The following FOXP2 variants were observed in gnomAD, a reference collection of about 807,000 sequenced individuals.
The protein encoded by FOXP2 is forkhead box P2.
Under a neutral mutation model 115.8 loss-of-function variants are expected in FOXP2, and 12 were observed. That is an observed-to-expected ratio of 0.10 (90% CI 0.07 to 0.17). The LOEUF is 0.17. FOXP2 is among the 10% of genes least tolerant of loss of function. The probability of loss-of-function intolerance (pLI) is 1.00; values close to 1 mark genes in which losing one functional copy is unlikely to be tolerated. For missense variants in FOXP2, 629 were observed against 843.5 expected, an observed-to-expected ratio of 0.75 and a Z score of 3.15; for synonymous variants, 328 against 297.7, an observed-to-expected ratio of 1.10 and a Z score of -1.05.
intron 2 of FOXP2, among the ~76,000 whole-genome samples, chr7:114,389,868 A>G (rs1792544455): frequency 6.6e-6 from 1 of 151,998 alleles, no homozygotes; most frequent in South Asian, 2.1e-4. Flanking sequence ...TACTAAAAAT[A>G]CAAAAATTAG....
At chr7:114,404,066 C>T (rs899954568) in intron 2 of FOXP2, among the ~76,000 whole-genome samples, 4 of 152,044 alleles carry the variant, frequency 2.6e-5, no homozygotes, top group African/African-American at 7.2e-5. Flanking sequence ...ATATGGTTAG[C>T]TTTATGAATG....
At chr7:114,246,809 CT>C (rs1280699857) in intron 1 of FOXP2, among the ~76,000 whole-genome samples, 2 of 152,016 alleles carry the variant, frequency 1.3e-5, no homozygotes, top group East Asian at 3.9e-4. Context: ...TAATTAGCCC[CT>C]TTTGTAAAGG....
chr7:114,529,791 A>G (rs1257691739), intron 2 of FOXP2, among the ~76,000 whole-genome samples: 1 of 151,818 alleles, frequency 6.6e-6, no homozygotes, highest in Non-Finnish European at 1.5e-5. Flanking sequence ...CTTCTATTAA[A>G]TAACATTATG....
At chr7:114,138,946 T>A (rs964677528) in intron 1 of FOXP2, among the ~76,000 whole-genome samples, 5 of 152,208 alleles carry the variant, frequency 3.3e-5, no homozygotes, top group Admixed American at 1.3e-4. Flanking sequence ...TTAATTTTTT[T>A]AAAGTTAATT....
At chr7:114,326,912 G>A (rs766542272) in intron 2 of FOXP2, among the ~76,000 whole-genome samples, 7 of 152,112 alleles carry the variant, frequency 4.6e-5, no homozygotes, top group Non-Finnish European at 7.4e-5. Flanking sequence ...TTATTAACCT[G>A]TATTGGACAT....
chr7:114,229,469 A>T (rs865977462), intron 1 of FOXP2, among the ~76,000 whole-genome samples: 1 of 151,822 alleles, frequency 6.6e-6, no homozygotes, highest in Middle Eastern at 3.4e-3. Flanking sequence ...GCACACATGG[A>T]ACATTCTTCA....
Position 114,415,368 on chromosome 7 carries a change from A to G in FOXP2, c.-11+8A>G, listed in dbSNP as rs950751780. 1.2e-4 allele frequency: 55 copies of G among 444,266 alleles called. No individual in the cohort carries two copies. Among genetic ancestry groups the G allele is most frequent in the Non-Finnish European group, 1.8e-4 (40 of 223,458 alleles). 27.5% of individuals were successfully genotyped at this position (444,266 alleles called of 1,614,324 possible). A position where few individuals can be genotyped will look rare whatever the true frequency, so the allele number is the denominator to read the frequency against. ...CTAACATTTCCAGAGAAGGTACGTT[A>G]CTTTTTGCTAAGAGAATATCTGTAA... is the stretch of plus-strand genomic sequence containing the variant. On this transcript the variant is annotated splice_region_variant and intron_variant, in intron 1 of 16. Coordinates refer to ENST00000350908, the MANE Select transcript of FOXP2 (RefSeq NM_014491.4).
At chr7:114,140,451 T>A (rs1792175132) in intron 1 of FOXP2, among the ~76,000 whole-genome samples, 1 of 152,022 alleles carries the variant, frequency 6.6e-6, no homozygotes, top group African/African-American at 2.4e-5. Flanking sequence ...ACATGGTGAG[T>A]AGTGATGGCC....
intron 3 of FOXP2, among the ~76,000 whole-genome samples, chr7:114,547,390 T>C (rs1361112630): frequency 6.6e-6 from 1 of 152,208 alleles, no homozygotes; most frequent in Non-Finnish European, 1.5e-5. Flanking sequence ...ATGTTTCTAA[T>C]GCCACTACGT....
intron 1 of FOXP2, among the ~76,000 whole-genome samples, chr7:114,223,130 G>C (rs1794663749): frequency 6.6e-6 from 1 of 152,064 alleles, no homozygotes; most frequent in Non-Finnish European, 1.5e-5. Context: ...CCTTAGGAAT[G>C]AAACAGCAGT....
At chr7:114,335,540 T>C (rs781493942) in intron 2 of FOXP2, among the ~76,000 whole-genome samples, 1 of 151,914 alleles carries the variant, frequency 6.6e-6, no homozygotes, top group Non-Finnish European at 1.5e-5. Flanking sequence ...GAAATAACGC[T>C]GTATCATACA....
rs1039173802 is a variant in FOXP2 at position 114,375,385 on chromosome 7, A to G, written c.-10-51117A>G. Among the ~76,000 whole-genome samples the G allele has an allele frequency of 3.3e-5, 5 of 152,304 alleles. No individual in the cohort carries two copies. The East Asian group carries it at 7.7e-4, about 24-fold the overall frequency. On this transcript the variant is annotated intron_variant, in intron 2 of 17. Transcript: ENST00000634411. Reference sequence around the variant, plus strand: ...TTGTTTAGCCACTTACTGTGGAAACATGGTTAAGTTAATGCAGTAGCTAGA... The same window carrying G: ...TTGTTTAGCCACTTACTGTGGAAACGTGGTTAAGTTAATGCAGTAGCTAGA...
At position 114,456,888 on chromosome 7, in the gene FOXP2, T is replaced by C. The variant is rs970088538; in HGVS notation, c.168+30209T>C. ...CATTTTGGAACAGCATAGATGATCC[T>C]GGAGGATACTATGCTATAGGGGAAA... On this transcript the variant is annotated intron_variant, in intron 2 of 16. Coordinates refer to ENST00000350908, the MANE Select transcript of FOXP2 (RefSeq NM_014491.4). Among the ~76,000 whole-genome samples the C allele has an allele frequency of 4.0e-5, 6 of 151,798 alleles. No individual in the cohort carries two copies. The South Asian group carries it at 6.2e-4, about 16-fold the overall frequency.
At chr7:114,478,412 G>C (rs1413873399) in intron 2 of FOXP2, among the ~76,000 whole-genome samples, 1 of 151,786 alleles carries the variant, frequency 6.6e-6, no homozygotes, top group Admixed American at 6.6e-5. Flanking sequence ...TATGAATAAG[G>C]AATGAGTAAT....
rs3086371 is a variant in FOXP2 at position 114,230,975 on chromosome 7, TACACACACACAC to T, written c.-101-57024_-101-57013del. On this transcript the variant is annotated intron_variant, in intron 1 of 17. Transcript: ENST00000634411. ...CTCATATATAGAAAACCCTAAAGAT[TACACACACACAC>T]ACACACACACACACACACAAATCCC... Among the ~76,000 whole-genome samples, 32 of 147,134 alleles carry T rather than the reference TACACACACACAC, an allele frequency of 2.2e-4. 1 individual carries two copies. Among genetic ancestry groups the T allele is most frequent in the Admixed American group, 1.7e-3 (25 of 14,682 alleles).
Position 114,277,009 on chromosome 7 carries a change from C to A in FOXP2, c.-101-11010C>A, listed in dbSNP as rs563220428. Among the ~76,000 whole-genome samples, 89 of 152,090 alleles carry A rather than the reference C, an allele frequency of 5.9e-4. 1 individual carries two copies. The highest frequency in any genetic ancestry group is 2.5e-3 in the Admixed American group (38 of 15,280). On this transcript the variant is annotated intron_variant, in intron 1 of 17. Coordinates refer to the FOXP2 transcript ENST00000634411. ...AAATTAATGTCTGAAATGGTATATA[C>A]AGCATTAAGATTGCCTAAAGAGATC...
chr7:114,339,057 G>T (rs1307692120), intron 2 of FOXP2, among the ~76,000 whole-genome samples: 1 of 150,996 alleles, frequency 6.6e-6, no homozygotes, highest in Non-Finnish European at 1.5e-5. Flanking sequence ...CTAAATTGTA[G>T]CTTTTCCAGA....
intron 2 of FOXP2, among the ~76,000 whole-genome samples, chr7:114,352,355 G>C (rs1005178208): frequency 1.3e-5 from 2 of 152,100 alleles, no homozygotes; most frequent in Non-Finnish European, 2.9e-5. Context: ...GCCTCAAAAC[G>C]ATCTTCACAT....
intron 2 of FOXP2, among the ~76,000 whole-genome samples, chr7:114,442,741 C>T (rs971671647): frequency 6.6e-6 from 1 of 152,106 alleles, no homozygotes; most frequent in Non-Finnish European, 1.5e-5. Context: ...TGATTACAGA[C>T]GTCAGCAGCC....
Sources: gnomAD v4.1 joint callset for allele counts (sites outside exome capture counted in the v4.1 genomes callset) on GRCh38, gnomAD v4.1.1 for gene constraint, MANE v1.5 for transcripts, NCBI Gene and HGNC (gene_info 2026-07-23, HGNC 2026-07-21) for gene names.